Variants in SP140 observed in about 807,000 individuals in gnomAD.
The protein encoded by SP140 is SP140 nuclear body protein.
In SP140, 81 loss-of-function variants were observed where a neutral mutation model predicts 125.0. The ratio of observed to expected loss-of-function variants is 0.65; its 90% CI spans 0.54 to 0.78. The LOEUF (loss-of-function observed/expected upper bound fraction) is 0.78. SP140 is among the 30% of genes least tolerant of loss of function. The pLI is 0.00. For synonymous variants in SP140, 312 were observed against 354.0 expected, an observed-to-expected ratio of 0.88 and a Z score of 1.33; for missense variants, 858 against 1,037.0, an observed-to-expected ratio of 0.83 and a Z score of 2.37.
At chr2:230,202,676 C>T, upstream of SP140, 1 of 1,614,154 alleles carries the variant, frequency 6.2e-7, no homozygotes, top group East Asian at 2.2e-5. Flanking sequence ...TTTGAGGAAC[C>T]TGATCCACCC....
At chr2:230,307,988 T>TATATATATATATAC (rs1553607408) in intron 22 of SP140, among the ~76,000 whole-genome samples, 1 of 74,450 alleles carries the variant, frequency 1.3e-5, no homozygotes, top group African/African-American at 5.9e-5. Context: ...TATATATATA[T>TATATATATATATAC]ATACACACAC....
chr2:230,209,801 C>A (rs1189781158), intron 1 of SP140: 2 of 722,992 alleles, frequency 2.8e-6, no homozygotes, highest in Admixed American at 2.0e-5. Context: ...ATGGAAACTG[C>A]AGAAACGAAC....
At chr2:230,289,187 G>A (rs2056832562) in intron 18 of SP140, among the ~76,000 whole-genome samples, 1 of 152,160 alleles carries the variant, frequency 6.6e-6, no homozygotes, top group African/African-American at 2.4e-5. Context: ...GTATCTCATT[G>A]TGGTTTTGAT....
At chr2:230,238,433 G>A in intron 3 of SP140, 52 bp downstream of exon 3, 1 of 1,501,830 alleles carries the variant, frequency 6.7e-7, no homozygotes, top group Non-Finnish European at 9.1e-7. Flanking sequence ...TTCATTCATT[G>A]ATTCATTCAT....
At chr2:230,208,151 AC>A in intron 1 of SP140, 1 of 768,486 alleles carries the variant, frequency 1.3e-6, no homozygotes, top group Non-Finnish European at 2.2e-6. Context: ...TGGTCTTCAA[AC>A]CACATTGCTA....
chr2:230,246,976 G>A (rs2049543332), intron 7 of SP140, among the ~76,000 whole-genome samples: 2 of 152,096 alleles, frequency 1.3e-5, no homozygotes, highest in African/African-American at 2.4e-5. Context: ...GGGATGGAGG[G>A]AAGATTCACT....
In SP140 at chr2:230,253,336, A is replaced by T. The variant is rs768395234; in HGVS notation, c.1078A>T (p.Thr360Ser). The change falls in exon 11 of 27, where the codon ACC (threonine) becomes TCC (serine). Residue 360 changes from threonine (T) to serine (S), a missense_variant. Transcript: ENST00000392045. ...CGSVSCLSAE[T>S]FDLKTPQVTN... ...GTCAGTTTCTTGTTTATCTGCAGAG[A>T]CCTTTGATCTAAAGACTCCCCAAGT... 32 of 1,611,782 alleles carry T rather than the reference A, an allele frequency of 2.0e-5. No homozygotes were observed. The highest frequency in any genetic ancestry group is 2.6e-5 in the Non-Finnish European group (31 of 1,178,108).
chr2:230,242,194 A>G (rs1436279426), intron 4 of SP140, among the ~76,000 whole-genome samples: 2 of 152,184 alleles, frequency 1.3e-5, no homozygotes, highest in Non-Finnish European at 2.9e-5. Flanking sequence ...AGGAAAATAA[A>G]TACCAAGAAA....
intron 20 of SP140, 88 bp from the exon 21 acceptor site, chr2:230,294,183 T>C (rs1384452722): frequency 8.8e-6 from 9 of 1,024,716 alleles, no homozygotes; most frequent in Middle Eastern, 2.0e-4. Context: ...AACACTCAGG[T>C]AGAAATATTT....
intron 17 of SP140, 152 bp from the exon 18 acceptor site, chr2:230,287,740 T>G (rs1216351984): frequency 5.3e-6 from 3 of 569,912 alleles, no homozygotes; most frequent in Non-Finnish European, 8.8e-6. Flanking sequence ...TATCTAATTC[T>G]TCATACCTTA....
At chr2:230,198,407 T>C (rs941579556), upstream of SP140, among the ~76,000 whole-genome samples, 1 of 152,174 alleles carries the variant, frequency 6.6e-6, no homozygotes, top group Non-Finnish European at 1.5e-5. Context: ...AGGGCAGTCA[T>C]AATGCCCACC....
At chr2:230,284,903 A>C (rs1326785590) in intron 16 of SP140, among the ~76,000 whole-genome samples, 1 of 152,192 alleles carries the variant, frequency 6.6e-6, no homozygotes, top group East Asian at 1.9e-4. Flanking sequence ...TTCATTCATA[A>C]AAATATATGC....
In SP140 at chr2:230,263,952, C is replaced by T. The variant is rs372973143; in HGVS notation, c.1241-5580C>T. Among the ~76,000 whole-genome samples, 102 of 152,216 alleles carry T rather than the reference C, an allele frequency of 6.7e-4. No individual in the cohort carries two copies. In the East Asian group the frequency reaches 0.016, roughly 24 times the overall value. Reference sequence around the variant, plus strand: ...TTAACCTGATGACAATGTGCCTAGGCGAAGATCTTTTTATGATGAATTTCC... The same window carrying T: ...TTAACCTGATGACAATGTGCCTAGGTGAAGATCTTTTTATGATGAATTTCC... On this transcript the variant is annotated intron_variant, in intron 12 of 26. Coordinates refer to ENST00000392045, the MANE Select transcript of SP140 (RefSeq NM_007237.5).
At position 230,285,802 on chromosome 2, in the gene SP140, G is replaced by A. The variant is rs749517270; in HGVS notation, c.1615G>A (p.Val539Met). The A allele has an allele frequency of 9.3e-6, 15 of 1,613,628 alleles. No individual in the cohort carries two copies. Among genetic ancestry groups the A allele is most frequent in the Middle Eastern group, 3.3e-4 (2 of 6,084 alleles). The change falls in exon 17 of 27, where the codon GTG becomes ATG. Residue 539 changes from valine (V) to methionine (M), a missense_variant. Transcript: ENST00000392045. The stretch of plus-strand genomic sequence containing the variant: ...GGTCTCCAGTGAAAAGAAGGCGAAC[G>A]TGAATCTGAAAGACCTTTCCAAGAT... ...QVVSSEKKAN[V>M]NLKDLSKIRG...
In SP140 at chr2:230,250,698, G is replaced by A. The variant is rs565017457; in HGVS notation, c.977-283G>A. On this transcript the variant is annotated intron_variant, in intron 9 of 26. Coordinates refer to ENST00000392045, the MANE Select transcript of SP140 (RefSeq NM_007237.5). ...ACCTGGAGCCACTGGCAGCAGGAAA[G>A]CAGGGCAAAGGCAGAAGAAATGTGC... Among the ~76,000 whole-genome samples the A allele has an allele frequency of 2.0e-5, 3 of 152,292 alleles. No individual in the cohort carries two copies. In the South Asian group the frequency reaches 6.2e-4, roughly 32 times the overall value.
intron 5 of SP140, 119 bp downstream of exon 5, chr2:230,243,930 G>T (rs1304142476): frequency 3.0e-6 from 2 of 677,054 alleles, no homozygotes; most frequent in Non-Finnish European, 5.2e-6. Context: ...GATCCATTTT[G>T]TCCTTGGATC....
chr2:230,279,515 C>T (rs2055209624), intron 15 of SP140, among the ~76,000 whole-genome samples: 1 of 152,104 alleles, frequency 6.6e-6, no homozygotes, highest in Non-Finnish European at 1.5e-5. Context: ...AACACTCATG[C>T]ATGTATGTTC....
upstream of SP140, among the ~76,000 whole-genome samples, chr2:230,199,484 T>C (rs925597521): frequency 6.6e-6 from 1 of 152,040 alleles, no homozygotes; most frequent in Non-Finnish European, 1.5e-5. Context: ...GCTGGGATTA[T>C]AGGCATGAGC....
At chr2:230,302,287 A>C (rs1169121008) in intron 22 of SP140, among the ~76,000 whole-genome samples, 1 of 152,082 alleles carries the variant, frequency 6.6e-6, no homozygotes, top group African/African-American at 2.4e-5. Context: ...CCAGCTACTC[A>C]GGAAGCTGAG....
Sources: gnomAD v4.1 joint callset for allele counts (sites outside exome capture counted in the v4.1 genomes callset) on GRCh38, gnomAD v4.1.1 for gene constraint, MANE v1.5 for transcripts, NCBI Gene and HGNC (gene_info 2026-07-23, HGNC 2026-07-21) for gene names.